Variants in TNIK observed in about 807,000 individuals in gnomAD.
The protein encoded by TNIK is TRAF2 and NCK-interacting protein kinase.
TNIK carries 49 observed loss-of-function variants against 191.3 expected under a neutral mutation model. The observed-to-expected ratio is 0.26, with a 90% CI of 0.20 to 0.32. The LOEUF is 0.32. Among genes scored for constraint, TNIK ranks in the 10% least tolerant of loss-of-function variants. TNIK has a pLI of 1.00. For missense variants in TNIK, 1,155 were observed against 1,702.3 expected (o/e 0.68, Z 5.66); for synonymous variants, 594 against 600.9 (o/e 0.99, Z 0.17).
chr3:171,389,212 CT>C (rs1262334165), intron 1 of TNIK, among the ~76,000 whole-genome samples: 1 of 152,064 alleles, frequency 6.6e-6, no homozygotes, highest in Non-Finnish European at 1.5e-5. Context: ...AAAATGCCAT[CT>C]TTTTTCCTAC....
At chr3:171,247,090 TGAA>T (rs1745674795) in intron 2 of TNIK, among the ~76,000 whole-genome samples, 1 of 152,236 alleles carries the variant, frequency 6.6e-6, no homozygotes, top group Admixed American at 6.5e-5. Flanking sequence ...AAAGTCCCAA[TGAA>T]GAACAGCTTC....
chr3:171,087,364 T>C lies in TNIK; in HGVS notation c.2864A>G (p.Gln955Arg). ...TACTTCAGTCCCAGAGTCCATCTCC[T>C]GGGAATGGGTTGAGACGCGCCCCAG... is the stretch of plus-strand genomic sequence containing the variant. ...EGLGRVSTHS[Q>R]EMDSGTEYGM... is the part of the protein sequence containing the mutation. Residue 955 changes from glutamine (Q) to arginine (R), a missense_variant, in exon 24 of 33, where the codon CAG (glutamine) becomes CGG (arginine). Gln to Arg is a conservative substitution (Grantham distance 43). This residue lies in a region of TNIK where 735 missense variants were observed against 848.0 expected (regional missense o/e 0.87). Coordinates refer to ENST00000436636, the MANE Select transcript of TNIK (RefSeq NM_015028.4). 5 of 1,613,888 alleles carry C rather than the reference T, an allele frequency of 3.1e-6. No individual in the cohort carries two copies. Among genetic ancestry groups the C allele is most frequent in the Non-Finnish European group, 4.2e-6 (5 of 1,179,858 alleles).
chr3:171,303,228 A>G (rs1007902938), intron 2 of TNIK, among the ~76,000 whole-genome samples: 2 of 151,874 alleles, frequency 1.3e-5, no homozygotes, highest in Admixed American at 1.3e-4. Context: ...TACTACTAGG[A>G]AAAAAAAATT....
intron 1 of TNIK, among the ~76,000 whole-genome samples, chr3:171,392,371 T>G (rs1335132696): frequency 6.6e-6 from 1 of 151,862 alleles, no homozygotes; most frequent in East Asian, 1.9e-4. Context: ...AGGGATGGAG[T>G]CAGCAAGACC....
chr3:171,386,287 T>C (rs1484504511), intron 1 of TNIK, among the ~76,000 whole-genome samples: 2 of 152,224 alleles, frequency 1.3e-5, no homozygotes, highest in Non-Finnish European at 2.9e-5. Flanking sequence ...GAGTACCAGC[T>C]GGGTCCCAGA....
At chr3:171,312,282 G>A (rs1754124336) in intron 2 of TNIK, among the ~76,000 whole-genome samples, 1 of 151,784 alleles carries the variant, frequency 6.6e-6, no homozygotes, top group Non-Finnish European at 1.5e-5. Context: ...CCATTTGCGA[G>A]CTCTGTGTTT....
chr3:171,063,946 G>T lies in TNIK; in HGVS notation c.4018C>A (p.Arg1340=), dbSNP rs189969139. ...AACACTTGGCTACTTCCTCCAGATC[G>T]CACGGATGCAAAAAATACCTGTTTG... ...RNDKVFFASV[R]SGGSSQVFFM... is the part of the protein sequence containing the mutation. Residue 1340 remains arginine, a synonymous_variant, in exon 33 of 33, where the codon CGA becomes AGA. Coordinates refer to ENST00000436636, the MANE Select transcript of TNIK (RefSeq NM_015028.4). 20 of 1,613,502 alleles carry T rather than the reference G, an allele frequency of 1.2e-5. No individual in the cohort carries two copies. In the East Asian group the frequency reaches 1.6e-4, roughly 13 times the overall value.
Position 171,188,572 on chromosome 3 carries a change from T to G in TNIK, c.639+130A>C, listed in dbSNP as rs946493172. 1.3e-5 allele frequency: 16 copies of G among 1,198,416 alleles called. No individual in the cohort carries two copies. The South Asian group carries it at 3.3e-4, about 25-fold the overall frequency. 74.2% of individuals were successfully genotyped at this position (1,198,416 alleles called of 1,614,324 possible). ...CCTCACTTGAATGTCTTACAGGTCT[T>G]AAACTCAAATAATGTTTTTCAGTTC... On this transcript the variant is annotated intron_variant, in intron 7 of 32. Transcript: ENST00000436636.
chr3:171,128,708 C>A lies in TNIK; in HGVS notation c.1773+6G>T, dbSNP rs1435084105. 1 of 1,606,398 alleles carries A rather than the reference C, an allele frequency of 6.2e-7. No homozygotes were observed. The highest frequency in any genetic ancestry group is 8.5e-7 in the Non-Finnish European group (1 of 1,176,248). ...GAATGCCTGATGGAATGGAGGCAGA[C>A]TGTACCTGGGGATCGACTGGTCTGA... On this transcript the variant is annotated splice_donor_region_variant and intron_variant, in intron 16 of 32. Transcript: ENST00000436636.
At chr3:171,087,202 C>T (rs1721475172) in intron 24 of TNIK, 140 bp downstream of exon 24, 2 of 1,190,806 alleles carry the variant, frequency 1.7e-6, no homozygotes, top group African/African-American at 1.5e-5. Flanking sequence ...ATTTGAGTAT[C>T]TGCATAAGTA....
In TNIK at chr3:171,138,383, T is replaced by C. The variant is rs759845589; in HGVS notation, c.1420-4A>G. The C allele has an allele frequency of 1.3e-6, 2 of 1,568,980 alleles. No individual in the cohort carries two copies. The highest frequency in any genetic ancestry group is 2.3e-5 in the East Asian group (1 of 43,838). Reference sequence around the variant, plus strand: ...CCAATTGTTTGCGCTTATATTCCTGTCCAGATCAGGAAAGAGGAGCAAAGA... The same window carrying C: ...CCAATTGTTTGCGCTTATATTCCTGCCCAGATCAGGAAAGAGGAGCAAAGA... On this transcript the variant is annotated splice_region_variant and splice_polypyrimidine_tract_variant and intron_variant, in intron 14 of 32. Coordinates refer to ENST00000436636, the MANE Select transcript of TNIK (RefSeq NM_015028.4).
At chr3:171,146,013 A>G (rs13088141) in intron 12 of TNIK, among the ~76,000 whole-genome samples, 8,541 of 152,318 alleles carry the variant, frequency 0.056, 304 homozygotes, top group Middle Eastern at 0.13. Flanking sequence ...AGGCAAGTGT[A>G]TAGTTTTCAG....
intron 14 of TNIK, 24 bp from the exon 15 acceptor site, chr3:171,138,403 CAAAGA>C: frequency 6.7e-7 from 1 of 1,496,016 alleles, no homozygotes; most frequent in Non-Finnish European, 8.9e-7. Flanking sequence ...GAAAGAGGAG[CAAAGA>C]AAAGGCCAAA....
intron 2 of TNIK, among the ~76,000 whole-genome samples, chr3:171,293,368 C>G (rs780338894): frequency 6.6e-6 from 1 of 152,208 alleles, no homozygotes; most frequent in Non-Finnish European, 1.5e-5. Flanking sequence ...AACCTGGTCT[C>G]CATTTAGTAA....
intron 12 of TNIK, among the ~76,000 whole-genome samples, chr3:171,156,054 C>T (rs1733129861): frequency 6.6e-6 from 1 of 152,198 alleles, no homozygotes; most frequent in Non-Finnish European, 1.5e-5. Context: ...CCAATTACTT[C>T]CCTCCCTGAA....
At chr3:171,429,541 T>G (rs1457450355) in intron 1 of TNIK, among the ~76,000 whole-genome samples, 1 of 152,238 alleles carries the variant, frequency 6.6e-6, no homozygotes, top group African/African-American at 2.4e-5. Flanking sequence ...CCACCTCCAG[T>G]TCCTTGCCTA....
intron 1 of TNIK, among the ~76,000 whole-genome samples, chr3:171,436,902 G>A (rs1726095614): frequency 6.6e-6 from 1 of 152,100 alleles, no homozygotes; most frequent in African/African-American, 2.4e-5. Context: ...GCCTCACACA[G>A]AGCCAGTGCA....
rs562856294 is a variant in TNIK at position 171,333,584 on chromosome 3, GAAA to G, written c.123+36033_123+36035del. Among the ~76,000 whole-genome samples the G allele has an allele frequency of 1.7e-3, 199 of 114,262 alleles. 1 individual carries two copies. Among genetic ancestry groups the G allele is most frequent in the African/African-American group, 5.8e-3 (187 of 32,390 alleles). 75.0% of individuals were successfully genotyped at this position (114,262 alleles called of 152,430 possible). On this transcript the variant is annotated intron_variant, in intron 2 of 32. Transcript: ENST00000436636. ...GAGACTCAGATGTCTCAAAAAGAAA[GAAA>G]AAAAAAAAAAAAAAAAACCTACAAC...
At chr3:171,398,251 G>T (rs576183407) in intron 1 of TNIK, among the ~76,000 whole-genome samples, 1 of 152,242 alleles carries the variant, frequency 6.6e-6, no homozygotes, top group African/African-American at 2.4e-5. Context: ...CTTCACAACT[G>T]CAAGTTTCCA....
Sources: allele counts gnomAD v4.1 joint callset (sites outside exome capture counted in the v4.1 genomes callset), GRCh38; gene constraint gnomAD v4.1.1; regional missense constraint gnomAD v4.1.1; transcripts MANE v1.5; gene names NCBI Gene and HGNC (gene_info 2026-07-23, HGNC 2026-07-21).